Variants in KLF12 observed in about 807,000 individuals in gnomAD.
KLF12 encodes the protein KLF transcription factor 12, also known as Krueppel-like factor 12.
Under a neutral mutation model 37.8 loss-of-function variants are expected in KLF12, and 9 were observed. The ratio of observed to expected loss-of-function variants is 0.24; its 90% CI spans 0.14 to 0.42. The LOEUF is 0.42. KLF12 is among the 10% of genes least tolerant of loss of function. The pLI is 1.00. For missense variants in KLF12, 411 were observed against 516.0 expected, an observed-to-expected ratio of 0.80 and a Z score of 1.97; for synonymous variants, 208 against 202.1, an observed-to-expected ratio of 1.03 and a Z score of -0.25.
At chr13:73,828,329 C>A (rs1411885511) in intron 4 of KLF12, among the ~76,000 whole-genome samples, 2 of 152,162 alleles carry the variant, frequency 1.3e-5, no homozygotes, top group Non-Finnish European at 2.9e-5. Context: ...GATTCATAAT[C>A]TCCCTTAATT....
chr13:73,712,126 G>A (rs978423396), intron 7 of KLF12, among the ~76,000 whole-genome samples: 1 of 151,970 alleles, frequency 6.6e-6, no homozygotes, highest in Non-Finnish European at 1.5e-5. Context: ...ATCACCTGAG[G>A]TCGGGAGTTC....
the KLF12 span, among the ~76,000 whole-genome samples, chr13:74,224,367 G>C: frequency 6.6e-6 from 1 of 152,096 alleles, no homozygotes; most frequent in African/African-American, 2.4e-5. Context: ...TTACACCCAG[G>C]CTGGTGATAT....
At chr13:74,297,379 T>C in the KLF12 span, among the ~76,000 whole-genome samples, 2 of 152,216 alleles carry the variant, frequency 1.3e-5, no homozygotes, top group African/African-American at 4.8e-5. Context: ...CTACTGGACT[T>C]CTCCGAACCT....
chr13:73,946,401 A>C (rs781755701), intron 2 of KLF12, among the ~76,000 whole-genome samples: 7 of 152,234 alleles, frequency 4.6e-5, no homozygotes, highest in Non-Finnish European at 1.0e-4. Context: ...AAAAAATGGA[A>C]GCTAACCAGA....
intron 1 of KLF12, among the ~76,000 whole-genome samples, chr13:74,077,545 C>A (rs949526864): frequency 3.9e-5 from 6 of 152,094 alleles, no homozygotes; most frequent in Non-Finnish European, 7.3e-5. Flanking sequence ...GAAAATGAAG[C>A]AGGCCTAAGA....
chr13:74,022,634 A>G (rs187653216), intron 1 of KLF12, among the ~76,000 whole-genome samples: 2,025 of 151,284 alleles, frequency 0.013, 22 homozygotes, highest in Non-Finnish European at 0.022. Context: ...AGAACATGCA[A>G]TGGTGCAGAA....
At chr13:74,174,228 A>G in the KLF12 span, among the ~76,000 whole-genome samples, 1 of 152,222 alleles carries the variant, frequency 6.6e-6, no homozygotes, top group South Asian at 2.1e-4. Flanking sequence ...ACATGTCTGG[A>G]AGATTAGGCT....
At chr13:74,287,974 G>A in the KLF12 span, among the ~76,000 whole-genome samples, 1 of 116,054 alleles carries the variant, frequency 8.6e-6, no homozygotes, top group African/African-American at 3.3e-5. Flanking sequence ...CCTCCCACCC[G>A]GCCCAGGGAA....
chr13:73,910,835 T>A (rs1356067182), intron 3 of KLF12, among the ~76,000 whole-genome samples: 1 of 152,184 alleles, frequency 6.6e-6, no homozygotes, highest in Non-Finnish European at 1.5e-5. Flanking sequence ...ATTAATTGAA[T>A]AATTAATGAG....
At chr13:74,204,047 G>A in the KLF12 span, among the ~76,000 whole-genome samples, 3 of 152,106 alleles carry the variant, frequency 2.0e-5, no homozygotes, top group Non-Finnish European at 4.4e-5. Flanking sequence ...GAAGTAAGTC[G>A]AGATTTTGCA....
chr13:74,154,013 G>A, the KLF12 span, among the ~76,000 whole-genome samples: 1 of 151,764 alleles, frequency 6.6e-6, no homozygotes, highest in Non-Finnish European at 1.5e-5. Context: ...AGATCACGAG[G>A]TCAGGAGATC....
intron 5 of KLF12, among the ~76,000 whole-genome samples, chr13:73,784,653 AG>A (rs1881201801): frequency 1.4e-5 from 2 of 145,882 alleles, no homozygotes; most frequent in Non-Finnish European, 1.5e-5. Flanking sequence ...TTTTTTGAGA[AG>A]GAGTCTCGCT....
chr13:74,067,966 C>A (rs915928503), intron 1 of KLF12, among the ~76,000 whole-genome samples: 2 of 152,216 alleles, frequency 1.3e-5, no homozygotes, highest in African/African-American at 2.4e-5. Flanking sequence ...CCAACTTCCG[C>A]TTAACCAACT....
At chr13:73,902,982 A>C (rs1460656840) in intron 3 of KLF12, among the ~76,000 whole-genome samples, 3 of 152,224 alleles carry the variant, frequency 2.0e-5, no homozygotes, top group African/African-American at 7.2e-5. Flanking sequence ...CCATTAGTTT[A>C]TCTAATAGGA....
At chr13:74,049,404 T>C (rs1003917721) in intron 1 of KLF12, among the ~76,000 whole-genome samples, 12 of 152,108 alleles carry the variant, frequency 7.9e-5, no homozygotes, top group African/African-American at 2.4e-4. Flanking sequence ...CAACACATAA[T>C]AGCCCAGCCA....
At chr13:73,869,099 T>C (rs1169536272) in intron 3 of KLF12, among the ~76,000 whole-genome samples, 1 of 152,158 alleles carries the variant, frequency 6.6e-6, no homozygotes, top group Admixed American at 6.5e-5. Context: ...TACTTATAAT[T>C]TGTACATCTC....
chr13:73,822,943 T>A (rs1883610700), intron 4 of KLF12, among the ~76,000 whole-genome samples: 1 of 152,152 alleles, frequency 6.6e-6, no homozygotes. Context: ...GCCAATCAGC[T>A]CAAACCGATT....
chr13:74,032,542 C>A (rs1004531217), intron 1 of KLF12, among the ~76,000 whole-genome samples: 3 of 152,148 alleles, frequency 2.0e-5, no homozygotes, highest in African/African-American at 7.2e-5. Flanking sequence ...TCACTACCTA[C>A]CCAGCGTTCA....
the KLF12 span, among the ~76,000 whole-genome samples, chr13:74,165,481 T>C: frequency 3.3e-5 from 5 of 151,894 alleles, no homozygotes; most frequent in Non-Finnish European, 7.4e-5. Context: ...GTACTTTTAG[T>C]AGAGATGGGG....
Sources: allele counts gnomAD v4.1 joint callset (sites outside exome capture counted in the v4.1 genomes callset), GRCh38; gene constraint gnomAD v4.1.1; transcripts MANE v1.5; gene names NCBI Gene and HGNC (gene_info 2026-07-23, HGNC 2026-07-21).